EFNB2: variants seen among roughly 807,000 people sequenced by gnomAD.
EFNB2 encodes ephrin-B2.
EFNB2 carries 5 observed loss-of-function variants against 32.1 expected under a neutral mutation model. The ratio of observed to expected loss-of-function variants is 0.16; its 90% CI spans 0.08 to 0.33. The LOEUF is 0.33. Ranked by LOEUF, EFNB2 falls within the 10% of genes least tolerant of loss-of-function variation. The pLI is 1.00. For missense variants in EFNB2, 263 were observed against 422.6 expected, an observed-to-expected ratio of 0.62 and a Z score of 3.31; for synonymous variants, 168 against 166.5, an observed-to-expected ratio of 1.01 and a Z score of -0.07.
chr13:106,519,600 T>C (rs1208880414), intron 1 of EFNB2: 2 of 152,204 alleles, frequency 1.3e-5, no homozygotes, highest in East Asian at 3.8e-4. Context: ...AGATGGCTAA[T>C]TTCAGTTGAA....
At chr13:106,532,519 C>T (rs560383458) in intron 1 of EFNB2, among the ~76,000 whole-genome samples, 33 of 152,338 alleles carry the variant, frequency 2.2e-4, no homozygotes, top group Non-Finnish European at 3.7e-4. Flanking sequence ...AAGCGACCCC[C>T]TGTCATCAGG....
chr13:106,530,452 C>G (rs1175530907), intron 1 of EFNB2, among the ~76,000 whole-genome samples: 2 of 152,140 alleles, frequency 1.3e-5, no homozygotes, highest in Non-Finnish European at 2.9e-5. Context: ...ATTAAGTGAC[C>G]TGAAAAACAG....
At position 106,491,253 on chromosome 13, in the gene EFNB2, G is replaced by C. The variant is rs1878393682; in HGVS notation, c.*1787C>G. The stretch of plus-strand genomic sequence containing the variant: ...TATGATGCAGTCACATCGGCTTCCT[G>C]CTCTGTGGGGCTCGTACTTCCTAGT... On this transcript the variant is annotated 3_prime_UTR_variant, in exon 5 of 5. Coordinates refer to ENST00000646441, the MANE Select transcript of EFNB2 (RefSeq NM_004093.4). The C allele has an allele frequency of 6.6e-6, 1 of 152,642 alleles. No homozygotes were observed. Among genetic ancestry groups the C allele is most frequent in the Non-Finnish European group, 1.5e-5 (1 of 68,052 alleles). 9.5% of individuals were successfully genotyped at this position (152,642 alleles called of 1,614,324 possible).
intron 1 of EFNB2, among the ~76,000 whole-genome samples, chr13:106,526,469 A>G (rs935749106): frequency 6.6e-6 from 1 of 152,196 alleles, no homozygotes; most frequent in African/African-American, 2.4e-5. Flanking sequence ...ATTATGAAGA[A>G]AAGACTTAAA....
intron 2 of EFNB2, among the ~76,000 whole-genome samples, chr13:106,511,238 CTTG>C (rs1440818898): frequency 6.6e-6 from 1 of 151,330 alleles, no homozygotes; most frequent in Non-Finnish European, 1.5e-5. Flanking sequence ...TCTTTTTTTT[CTTG>C]TTGTTGTTGT....
rs1880020247 is a variant in EFNB2 at position 106,534,985 on chromosome 13, C to T, written c.-21G>A. 1.2e-6 allele frequency: 2 copies of T among 1,611,728 alleles called. No individual in the cohort carries two copies. The highest frequency in any genetic ancestry group is 1.7e-5 in the Admixed American group (1 of 59,748). On this transcript the variant is annotated 5_prime_UTR_variant, in exon 1 of 5. Transcript: ENST00000646441. ...GCCATGGCGAAGCCACTCCCAGCTC[C>T]GCGCACTCCGGGCCAAGAAGGGACT...
intron 2 of EFNB2, among the ~76,000 whole-genome samples, chr13:106,512,235 GTT>G (rs1270491704): frequency 1.3e-5 from 2 of 151,536 alleles, no homozygotes; most frequent in Admixed American, 1.3e-4. Flanking sequence ...CTTAAAAATG[GTT>G]TTGTCAGTAG....
At chr13:106,509,673 A>ATGTGTGTGTGTGTGTGTGTGTG (rs1879074062) in intron 2 of EFNB2, 4 of 119,074 alleles carry the variant, frequency 3.4e-5, no homozygotes, top group Non-Finnish European at 7.3e-5. Flanking sequence ...GTGTGTGTGC[A>ATGTGTGTGTGTGTGTGTGTGTG]TTTGTCTGAT....
At chr13:106,514,304 T>C (rs537839221) in intron 1 of EFNB2, among the ~76,000 whole-genome samples, 1 of 152,362 alleles carries the variant, frequency 6.6e-6, no homozygotes, top group South Asian at 2.1e-4. Flanking sequence ...TGTTGAAGAA[T>C]TCTCTAGAAC....
At chr13:106,533,991 T>C (rs1879969215) in intron 1 of EFNB2, among the ~76,000 whole-genome samples, 1 of 152,210 alleles carries the variant, frequency 6.6e-6, no homozygotes, top group South Asian at 2.1e-4. Context: ...CTCCCGGCTG[T>C]AGAGTCCGGT....
Position 106,495,764 on chromosome 13 carries a change from G to A in EFNB2, c.483C>T (p.Leu161=), listed in dbSNP as rs775018472. The change falls in exon 3 of 5, where the codon CTC becomes CTT. Residue 161 remains leucine, a synonymous_variant. Coordinates refer to ENST00000646441, the MANE Select transcript of EFNB2 (RefSeq NM_004093.4). ...GVCQTRAMKI[L]MKVGQDASSA... ...GGTCTTTACCTTGTCCAACTTTCAT[G>A]AGGATCTTCATGGCTCTTGTCTGGC... 3.1e-6 allele frequency: 5 copies of A among 1,614,146 alleles called. No individual in the cohort carries two copies. The highest frequency in any genetic ancestry group is 3.4e-6 in the Non-Finnish European group (4 of 1,179,986).
rs1006421324 is a variant in EFNB2, at chr13:106,490,304, T to C, written c.*2736A>G. ...TATTTACAGCATCTTCACTGAAACATGATGGTGCAAATTCCAAAGTCGGGT... is the reference window on the plus strand; with the variant it reads ...TATTTACAGCATCTTCACTGAAACACGATGGTGCAAATTCCAAAGTCGGGT... On this transcript the variant is annotated 3_prime_UTR_variant, in exon 5 of 5. Transcript: ENST00000646441. The C allele has an allele frequency of 2.6e-5, 4 of 152,132 alleles. No individual in the cohort carries two copies. Among genetic ancestry groups the C allele is most frequent in the African/African-American group, 4.8e-5 (2 of 41,418 alleles). 9.4% of individuals were successfully genotyped at this position (152,132 alleles called of 1,614,324 possible). A position where few individuals can be genotyped will look rare whatever the true frequency, so the allele number is the denominator to read the frequency against.
intron 3 of EFNB2, among the ~76,000 whole-genome samples, chr13:106,495,501 TC>T (rs1490814448): frequency 0.014 from 1,022 of 74,214 alleles, 6 homozygotes; most frequent in African/African-American, 0.037. Flanking sequence ...CTATCTATTA[TC>T]TATCTATCTA....
intron 3 of EFNB2, 59 bp from the exon 4 acceptor site, chr13:106,495,053 G>A (rs1878543251): frequency 1.5e-6 from 2 of 1,330,218 alleles, no homozygotes; most frequent in African/African-American, 1.4e-5. Flanking sequence ...CTAGCTTTAG[G>A]AGCTGCATAT....
Position 106,490,774 on chromosome 13 carries a change from TTATACA to T in EFNB2, c.*2260_*2265del, listed in dbSNP as rs895495974. ...ATATAATATATATTGTAGATATATA[TTATACA>T]TATATGTACACATGTATACCACGCA... On this transcript the variant is annotated 3_prime_UTR_variant, in exon 5 of 5. Coordinates refer to ENST00000646441, the MANE Select transcript of EFNB2 (RefSeq NM_004093.4). 3 of 152,068 alleles carry T rather than the reference TTATACA, an allele frequency of 2.0e-5. No individual in the cohort carries two copies. The highest frequency in any genetic ancestry group is 6.6e-5 in the Admixed American group (1 of 15,172). The allele number at this position is 152,068 out of a possible 1,614,324, so 9.4% of individuals were successfully genotyped here. A position where few individuals can be genotyped will look rare whatever the true frequency, so the allele number is the denominator to read the frequency against.
intron 1 of EFNB2, among the ~76,000 whole-genome samples, chr13:106,531,860 G>C (rs1879881922): frequency 6.6e-6 from 1 of 152,192 alleles, no homozygotes; most frequent in Middle Eastern, 3.4e-3. Context: ...ATTAGTACTC[G>C]AAATTTTCAA....
intron 2 of EFNB2, among the ~76,000 whole-genome samples, chr13:106,504,958 A>T (rs940557055): frequency 2.6e-5 from 4 of 152,178 alleles, no homozygotes; most frequent in Non-Finnish European, 4.4e-5. Flanking sequence ...AAATGGAATT[A>T]AGAGTATGTC....
rs941874354 is a variant in EFNB2, at chr13:106,490,740, TATAG to T, written c.*2296_*2299del. 7 of 151,724 alleles carry T rather than the reference TATAG, an allele frequency of 4.6e-5. No homozygotes were observed. Among genetic ancestry groups the T allele is most frequent in the South Asian group, 2.1e-4 (1 of 4,802 alleles). The allele number at this position is 151,724 out of a possible 1,614,324, so 9.4% of individuals were successfully genotyped here. A position where few individuals can be genotyped will look rare whatever the true frequency, so the allele number is the denominator to read the frequency against. ...ATGGCAACCCTCCACAGAAATATGA[TATAG>T]ATATATATAATATATATTGTAGATA... On this transcript the variant is annotated 3_prime_UTR_variant, in exon 5 of 5. Coordinates refer to ENST00000646441, the MANE Select transcript of EFNB2 (RefSeq NM_004093.4).
At chr13:106,522,297 T>C (rs1395986545) in intron 1 of EFNB2, among the ~76,000 whole-genome samples, 13 of 152,216 alleles carry the variant, frequency 8.5e-5, no homozygotes, top group Non-Finnish European at 8.8e-5. Context: ...CTTTCCCAAC[T>C]GTAATTTGTG....
Sources: gnomAD v4.1 joint callset for allele counts (sites outside exome capture counted in the v4.1 genomes callset) on GRCh38, gnomAD v4.1.1 for gene constraint, MANE v1.5 for transcripts, NCBI Gene and HGNC (gene_info 2026-07-23, HGNC 2026-07-21) for gene names.